The following ATP8A2 variants were observed in gnomAD, a reference collection of about 807,000 sequenced individuals.
ATP8A2 encodes ATPase phospholipid transporting 8A2.
Under a neutral mutation model 165.6 loss-of-function variants are expected in ATP8A2, and 100 were observed. The observed-to-expected ratio is 0.60, with a 90% CI of 0.51 to 0.71. ATP8A2 has a LOEUF of 0.71. ATP8A2 is among the 30% of genes least tolerant of loss of function. The pLI is 0.00. For synonymous variants in ATP8A2, 543 were observed against 548.8 expected, an observed-to-expected ratio of 0.99 and a Z score of 0.15; for missense variants, 1,227 against 1,479.5, an observed-to-expected ratio of 0.83 and a Z score of 2.80.
At chr13:25,582,920 A>G (rs1205841946) in intron 23 of ATP8A2, among the ~76,000 whole-genome samples, 2 of 152,256 alleles carry the variant, frequency 1.3e-5, no homozygotes, top group East Asian at 3.8e-4. Context: ...TCAGGGATAT[A>G]GCTAATTAAA....
At chr13:25,928,930 A>C (rs1183543545) in intron 33 of ATP8A2, among the ~76,000 whole-genome samples, 1 of 152,204 alleles carries the variant, frequency 6.6e-6, no homozygotes. Flanking sequence ...CCCTGAGCTC[A>C]TGTGCTGAGT....
rs1566294440 is a variant in ATP8A2 at position 25,579,854 on chromosome 13, G to A, written c.1914G>A (p.Glu638=). The A allele has an allele frequency of 6.2e-7, 1 of 1,614,028 alleles. No homozygotes were observed. The highest frequency in any genetic ancestry group is 1.3e-5 in the African/African-American group (1 of 75,014). Residue 638 remains glutamate (E), a synonymous_variant, in exon 22 of 37, where the codon GAG becomes GAA. Transcript: ENST00000381655. Reference sequence around the variant, plus strand: ...CTTATGCTGATCTCTCTGAGAATGAGTATGAGGAGTGGCTGAAAGTCTATC... The same window carrying A: ...CTTATGCTGATCTCTCTGAGAATGAATATGAGGAGTGGCTGAAAGTCTATC... ...CVAYADLSEN[E]YEEWLKVYQE...
intron 19 of ATP8A2, 38 bp downstream of exon 19, chr13:25,574,895 A>T: frequency 8.5e-7 from 1 of 1,169,634 alleles, no homozygotes. Flanking sequence ...TAAAATAATT[A>T]TATTTATTTA....
At chr13:25,807,946 C>T (rs1950777533) in intron 27 of ATP8A2, among the ~76,000 whole-genome samples, 1 of 152,096 alleles carries the variant, frequency 6.6e-6, no homozygotes, top group Non-Finnish European at 1.5e-5. Context: ...TACTCATTTA[C>T]TGCATCTGAT....
chr13:25,465,149 A>G (rs1214459618), intron 1 of ATP8A2, among the ~76,000 whole-genome samples: 1 of 152,172 alleles, frequency 6.6e-6, no homozygotes, highest in Non-Finnish European at 1.5e-5. Flanking sequence ...AAATGCATTA[A>G]CTCAGAATTA....
At chr13:25,418,359 C>T (rs1367958370) in intron 1 of ATP8A2, among the ~76,000 whole-genome samples, 3 of 152,054 alleles carry the variant, frequency 2.0e-5, no homozygotes, top group Non-Finnish European at 4.4e-5. Context: ...TAGAAGGTAA[C>T]AAATAGGGTT....
intron 23 of ATP8A2, among the ~76,000 whole-genome samples, chr13:25,585,306 T>A (rs2039891048): frequency 6.6e-6 from 1 of 152,238 alleles, no homozygotes; most frequent in African/African-American, 2.4e-5. Flanking sequence ...CCCTTGTGAA[T>A]TTCGTAGTGG....
chr13:25,770,118 T>C (rs2044587280), intron 26 of ATP8A2, among the ~76,000 whole-genome samples: 1 of 152,194 alleles, frequency 6.6e-6, no homozygotes, highest in Middle Eastern at 3.2e-3. Context: ...GAACTAACTT[T>C]GAGAGAAACT....
intron 25 of ATP8A2, among the ~76,000 whole-genome samples, chr13:25,765,443 G>C (rs1294243053): frequency 6.6e-6 from 1 of 152,126 alleles, no homozygotes; most frequent in Non-Finnish European, 1.5e-5. Context: ...CTGGCAACTT[G>C]GTATACTAAA....
At chr13:25,533,109 G>A (rs2038167619) in intron 5 of ATP8A2, among the ~76,000 whole-genome samples, 164 bp from the exon 6 acceptor site, 1 of 152,076 alleles carries the variant, frequency 6.6e-6, no homozygotes, top group South Asian at 2.1e-4. Flanking sequence ...CCATACGTTG[G>A]TGTTCCATTT....
chr13:25,716,041 G>A (rs905435675), intron 25 of ATP8A2, among the ~76,000 whole-genome samples: 13 of 152,232 alleles, frequency 8.5e-5, no homozygotes, highest in African/African-American at 3.1e-4. Flanking sequence ...GTATTTCACT[G>A]TGGTTTTGAT....
intron 33 of ATP8A2, among the ~76,000 whole-genome samples, chr13:25,922,938 CA>C (rs1169706182): frequency 1.3e-5 from 2 of 152,174 alleles, no homozygotes; most frequent in Non-Finnish European, 2.9e-5. Context: ...CCTTCTCTTA[CA>C]GGGAACCAGT....
chr13:25,435,688 G>T (rs1215610859), intron 1 of ATP8A2, among the ~76,000 whole-genome samples: 1 of 151,188 alleles, frequency 6.6e-6, no homozygotes, highest in Non-Finnish European at 1.5e-5. Flanking sequence ...ACAGTTAATG[G>T]ATCTTGTGGT....
chr13:25,920,705 T>C (rs1311869743), intron 33 of ATP8A2, among the ~76,000 whole-genome samples: 1 of 152,260 alleles, frequency 6.6e-6, no homozygotes, highest in Non-Finnish European at 1.5e-5. Context: ...ATGCCCTTCC[T>C]CTGCCTTTGA....
intron 34 of ATP8A2, among the ~76,000 whole-genome samples, chr13:25,964,463 CAAAAAGAGAATGCCTATTGTGAATCAGTT>C (rs1955730829): frequency 6.6e-6 from 1 of 152,184 alleles, no homozygotes; most frequent in African/African-American, 2.4e-5. Flanking sequence ...AGGCTTCTCA[CAAAAAGAGAATGCCTATTGTGAATCAGTT>C]ACCTCTGAGA....
intron 1 of ATP8A2, among the ~76,000 whole-genome samples, chr13:25,463,128 T>G (rs1448843113): frequency 8.4e-5 from 8 of 95,112 alleles, no homozygotes; most frequent in Non-Finnish European, 1.5e-4. Flanking sequence ...TCTGAAGTGT[T>G]TTTTTTTTTT....
At chr13:25,858,720 C>G (rs368328837) in intron 30 of ATP8A2, among the ~76,000 whole-genome samples, 1 of 152,170 alleles carries the variant, frequency 6.6e-6, no homozygotes, top group East Asian at 1.9e-4. Context: ...GAAATTTGAA[C>G]ACAAGCATCC....
At chr13:25,490,223 G>A (rs193079055) in intron 2 of ATP8A2, among the ~76,000 whole-genome samples, 268 of 152,334 alleles carry the variant, frequency 1.8e-3, no homozygotes, top group Non-Finnish European at 2.8e-3. Flanking sequence ...TTAAAGAAGA[G>A]TTACGGGAGA....
At chr13:26,005,498 T>C (rs896910919) in intron 35 of ATP8A2, among the ~76,000 whole-genome samples, 2 of 152,066 alleles carry the variant, frequency 1.3e-5, no homozygotes, top group African/African-American at 2.4e-5. Context: ...GCTTAGTTTG[T>C]TCTTCCTTTT....
Sources: allele counts gnomAD v4.1 joint callset (sites outside exome capture counted in the v4.1 genomes callset), GRCh38; gene constraint gnomAD v4.1.1; transcripts MANE v1.5; gene names NCBI Gene and HGNC (gene_info 2026-07-23, HGNC 2026-07-21).